Variants in RANBP2 observed in about 807,000 individuals in gnomAD.
RANBP2 encodes the protein E3 SUMO-protein ligase RanBP2.
RANBP2 carries 57 observed loss-of-function variants against 303.6 expected under a neutral mutation model. That is an observed-to-expected ratio of 0.19 (90% CI 0.15 to 0.23). The LOEUF is 0.23. Among genes scored for constraint, RANBP2 ranks in the 10% least tolerant of loss-of-function variants. The pLI, the probability that RANBP2 is intolerant of heterozygous loss-of-function variation, is 1.00. For synonymous variants in RANBP2, 1,167 were observed against 1,301.5 expected, an observed-to-expected ratio of 0.90 and a Z score of 2.23; for missense variants, 3,138 against 3,780.8, an observed-to-expected ratio of 0.83 and a Z score of 4.46.
the RANBP2 span, among the ~76,000 whole-genome samples, chr2:109,547,432 G>A: frequency 2.0e-5 from 3 of 149,960 alleles, no homozygotes; most frequent in African/African-American, 7.4e-5. Context: ...AACCTATAGG[G>A]GTTATTCTTC....
At chr2:109,033,345 G>A in the RANBP2 span, among the ~76,000 whole-genome samples, 3 of 152,154 alleles carry the variant, frequency 2.0e-5, no homozygotes, top group Admixed American at 1.3e-4. Context: ...GTGTGCCCTC[G>A]GAAGCAGAGG....
chr2:109,220,535 TAATG>T, the RANBP2 span, among the ~76,000 whole-genome samples: 1 of 152,140 alleles, frequency 6.6e-6, no homozygotes, highest in Non-Finnish European at 1.5e-5. Flanking sequence ...GTTTAGTAAA[TAATG>T]AATATCTGGA....
the RANBP2 span, among the ~76,000 whole-genome samples, chr2:109,016,377 G>T: frequency 9.9e-5 from 15 of 152,184 alleles, no homozygotes; most frequent in Admixed American, 2.6e-4. Context: ...GTGAGCCACC[G>T]CGCCGGGTGG....
chr2:108,987,316 G>A, the RANBP2 span, among the ~76,000 whole-genome samples: 1 of 152,236 alleles, frequency 6.6e-6, no homozygotes, highest in Non-Finnish European at 1.5e-5. Flanking sequence ...TTGACTAGAA[G>A]AGGCTCCCCA....
the RANBP2 span, among the ~76,000 whole-genome samples, chr2:109,338,278 A>AC: frequency 3.3e-5 from 5 of 152,192 alleles, no homozygotes. Flanking sequence ...TTTTGCAGGT[A>AC]CGGAAACTGA....
the RANBP2 span, among the ~76,000 whole-genome samples, chr2:109,591,722 A>AC: frequency 1.3e-5 from 2 of 151,718 alleles, no homozygotes; most frequent in African/African-American, 4.8e-5. Context: ...CACGAGCAAA[A>AC]CCCCGTCTCT....
At chr2:109,266,119 G>T in the RANBP2 span, among the ~76,000 whole-genome samples, 5 of 151,146 alleles carry the variant, frequency 3.3e-5, no homozygotes, top group African/African-American at 1.2e-4. Context: ...GTGTGTATGT[G>T]TATTCAGTGT....
At chr2:109,721,581 C>G in the RANBP2 span, among the ~76,000 whole-genome samples, 1 of 152,244 alleles carries the variant, frequency 6.6e-6, no homozygotes, top group East Asian at 1.9e-4. Flanking sequence ...GGCCGCACAG[C>G]TAGAGGCAGA....
At chr2:109,011,917 G>A in the RANBP2 span, among the ~76,000 whole-genome samples, 44 of 152,114 alleles carry the variant, frequency 2.9e-4, no homozygotes, top group Non-Finnish European at 5.6e-4. Context: ...GTGCATATGT[G>A]TGTGTGTGTG....
chr2:109,595,552 GGAGAAATTAGA>G, the RANBP2 span, among the ~76,000 whole-genome samples: 1 of 152,096 alleles, frequency 6.6e-6, no homozygotes, highest in Non-Finnish European at 1.5e-5. Flanking sequence ...ACAGAAATTT[GGAGAAATTAGA>G]GATCACTGAA....
At chr2:109,503,098 TTCCC>T in the RANBP2 span, 1 of 152,192 alleles carries the variant, frequency 6.6e-6, no homozygotes, top group Admixed American at 6.5e-5. Flanking sequence ...CATGGCTCAC[TTCCC>T]AGGAAGACTG....
At chr2:109,032,052 T>C in the RANBP2 span, among the ~76,000 whole-genome samples, 1 of 152,084 alleles carries the variant, frequency 6.6e-6, no homozygotes, top group Non-Finnish European at 1.5e-5. Flanking sequence ...TAAACAGAAC[T>C]CTGCAGTTAT....
At chr2:109,173,189 C>G in the RANBP2 span, among the ~76,000 whole-genome samples, 1 of 152,106 alleles carries the variant, frequency 6.6e-6, no homozygotes, top group Non-Finnish European at 1.5e-5. Context: ...GGAAATCGAA[C>G]ACAGACTGAG....
chr2:109,533,959 G>A, the RANBP2 span, among the ~76,000 whole-genome samples: 2 of 152,194 alleles, frequency 1.3e-5, no homozygotes, highest in Non-Finnish European at 2.9e-5. Context: ...ACTGGGAATG[G>A]GCAGTCAGTG....
the RANBP2 span, among the ~76,000 whole-genome samples, chr2:109,446,569 A>C: frequency 1.3e-5 from 2 of 152,142 alleles, no homozygotes; most frequent in Non-Finnish European, 2.9e-5. Context: ...GGTCTCTAGA[A>C]GGTGGTATCT....
chr2:109,431,172 G>A, the RANBP2 span, among the ~76,000 whole-genome samples: 10 of 152,316 alleles, frequency 6.6e-5, no homozygotes, highest in African/African-American at 2.4e-4. Context: ...GTGCAATGGT[G>A]GGGTCTATGA....
At chr2:109,352,563 C>T in the RANBP2 span, among the ~76,000 whole-genome samples, 2 of 152,214 alleles carry the variant, frequency 1.3e-5, no homozygotes, top group African/African-American at 4.8e-5. Context: ...TTAGCTTTAC[C>T]TCTTTTTGTA....
the RANBP2 span, among the ~76,000 whole-genome samples, chr2:109,487,090 G>A: frequency 1.3e-5 from 2 of 152,312 alleles, no homozygotes; most frequent in East Asian, 3.9e-4. Context: ...TCAGGAAAAC[G>A]TAACAGGGAT....
rs1696009704 is a variant in RANBP2, at chr2:108,740,644, C to T, written c.938C>T (p.Ser313Phe). The T allele has an allele frequency of 2.5e-6, 4 of 1,597,394 alleles. No homozygotes were observed. ...HSSNVQWRAL[S>F]ELAALCYLIA... ...AGTAATGTTCAATGGCGAGCTCTTT[C>T]TGAGCTGGCTGCATTGTGCTATCTC... The change falls in exon 7 of 29, where the codon TCT becomes TTT. Residue 313 changes from serine (S) to phenylalanine (F), a missense_variant. By Grantham distance (155) the Ser-to-Phe change is radical. Transcript: ENST00000283195.
Sources: allele counts gnomAD v4.1 joint callset (sites outside exome capture counted in the v4.1 genomes callset), GRCh38; gene constraint gnomAD v4.1.1; transcripts MANE v1.5; gene names NCBI Gene and HGNC (gene_info 2026-07-23, HGNC 2026-07-21).